MYH14: variants seen among roughly 807,000 people sequenced by gnomAD.
MYH14 encodes the protein myosin-14.
MYH14 carries 123 observed loss-of-function variants against 255.5 expected under a neutral mutation model. The ratio of observed to expected loss-of-function variants is 0.48; its 90% CI spans 0.42 to 0.56. MYH14 has a LOEUF of 0.56. Among genes scored for constraint, MYH14 ranks in the 20% least tolerant of loss-of-function variants. The pLI is 0.00. For missense variants in MYH14, 2,423 were observed against 2,802.3 expected (o/e 0.86, Z 3.06); for synonymous variants, 1,095 against 1,161.2 (o/e 0.94, Z 1.16).
intron 2 of MYH14, among the ~76,000 whole-genome samples, chr19:50,216,801 CTTT>C (rs200626930): frequency 8.1e-4 from 91 of 112,728 alleles, no homozygotes; most frequent in Middle Eastern, 6.3e-3. Context: ...TCCATCCTTT[CTTT>C]TTTTTTTTTT....
intron 5 of MYH14, among the ~76,000 whole-genome samples, 186 bp from the exon 6 acceptor site, chr19:50,223,968 G>A (rs1280470156): frequency 2.0e-5 from 3 of 152,090 alleles, no homozygotes; most frequent in African/African-American, 7.2e-5. Context: ...GAATAAAGGA[G>A]GTAGAGTGGG....
chr19:50,302,546 G>A (rs562281909), intron 40 of MYH14, among the ~76,000 whole-genome samples: 17 of 150,382 alleles, frequency 1.1e-4, no homozygotes, highest in Admixed American at 9.4e-4. Context: ...TTGCGCCACT[G>A]CCCTCCAGCC....
At chr19:50,274,115 G>A (rs1233424308) in intron 27 of MYH14, among the ~76,000 whole-genome samples, 4 of 152,104 alleles carry the variant, frequency 2.6e-5, no homozygotes, top group East Asian at 1.9e-4. Flanking sequence ...CAGACACTTC[G>A]CATACCCTGA....
Position 50,292,317 on chromosome 19 carries a change from G to T in MYH14, c.5184G>T (p.Glu1728Asp). ...EVEETRTSRE[E>D]IFSQNRESEK... Reference sequence around the variant, plus strand: ...AGGAGACACGCACCTCCCGGGAGGAGATCTTCTCCCAGAATCGGGAAAGTG... The same window carrying T: ...AGGAGACACGCACCTCCCGGGAGGATATCTTCTCCCAGAATCGGGAAAGTG... The change falls in exon 37 of 43, where the codon GAG (glutamate) becomes GAT (aspartate). Residue 1728 changes from glutamate to aspartate, a missense_variant. This residue lies in a region of MYH14 where 1,513 missense variants were observed against 1,674.8 expected (regional missense o/e 0.90). Transcript: ENST00000642316. 2 of 1,598,780 alleles carry T rather than the reference G, an allele frequency of 1.3e-6. No individual in the cohort carries two copies. Among genetic ancestry groups the T allele is most frequent in the South Asian group, 1.1e-5 (1 of 87,866 alleles).
At chr19:50,245,498 T>TCATATTCC (rs2034077728) in intron 11 of MYH14, among the ~76,000 whole-genome samples, 1 of 151,366 alleles carries the variant, frequency 6.6e-6, no homozygotes, top group Non-Finnish European at 1.5e-5. Flanking sequence ...TTACCCATAA[T>TCATATTCC]CATATTCCCA....
chr19:50,209,783 CA>C (rs1209985827), intron 1 of MYH14, among the ~76,000 whole-genome samples: 2,134 of 65,640 alleles, frequency 0.033, 51 homozygotes, highest in African/African-American at 0.095. Flanking sequence ...GACTCCATCT[CA>C]AAAAAAAAAA....
At chr19:50,267,105 C>G in intron 23 of MYH14, 97 bp downstream of exon 23, 1 of 1,213,558 alleles carries the variant, frequency 8.2e-7, no homozygotes, top group Non-Finnish European at 1.1e-6. Context: ...TCCGGCTGAG[C>G]CAGCCTGTGC....
chr19:50,232,194 G>A (rs2033433310), intron 10 of MYH14, 124 bp downstream of exon 10: 1 of 1,237,146 alleles, frequency 8.1e-7, no homozygotes, highest in Non-Finnish European at 1.1e-6. Flanking sequence ...GCAGGCACCG[G>A]GGCCAGAGCA....
In MYH14 at chr19:50,272,741, G is replaced by A. The variant is rs1466065825; in HGVS notation, c.3467+10G>A. ...AGGCTGCCCTGGCCAGGTGCAGGGT[G>A]GGGTGGGCTTGGTGGGGTAAGCAGC... On this transcript the variant is annotated intron_variant, in intron 27 of 42. Coordinates refer to ENST00000642316, the MANE Select transcript of MYH14 (RefSeq NM_001145809.2). The A allele has an allele frequency of 9.7e-6, 15 of 1,549,422 alleles. No homozygotes were observed. The highest frequency in any genetic ancestry group is 1.2e-5 in the South Asian group (1 of 83,958).
chr19:50,251,022 G>A (rs1298056844), intron 15 of MYH14, among the ~76,000 whole-genome samples: 1 of 152,188 alleles, frequency 6.6e-6, no homozygotes, highest in Non-Finnish European at 1.5e-5. Flanking sequence ...TGGATACACA[G>A]ATCAAACATG....
At position 50,238,030 on chromosome 19, in the gene MYH14, A is replaced by C. The variant is rs2033736827; in HGVS notation, c.1114+5960A>C. Among the ~76,000 whole-genome samples the C allele has an allele frequency of 2.0e-5, 3 of 152,204 alleles. No homozygotes were observed. In the South Asian group the frequency reaches 6.2e-4, roughly 31 times the overall value. Reference sequence around the variant, plus strand: ...CACCCACAGGGAGCCCAAGGCAGAAAGCATTTGGGGCCAATCAAGGCAGGG... The same window carrying C: ...CACCCACAGGGAGCCCAAGGCAGAACGCATTTGGGGCCAATCAAGGCAGGG... On this transcript the variant is annotated intron_variant, in intron 10 of 42. Coordinates refer to ENST00000642316, the MANE Select transcript of MYH14 (RefSeq NM_001145809.2).
intron 10 of MYH14, 48 bp downstream of exon 10, chr19:50,232,118 A>G: frequency 6.2e-7 from 1 of 1,601,262 alleles, no homozygotes; most frequent in East Asian, 2.2e-5. Flanking sequence ...CCCCACGGAG[A>G]GCTGGGGACC....
At chr19:50,291,643 TC>T (rs1483404253) in intron 36 of MYH14, among the ~76,000 whole-genome samples, 1 of 152,116 alleles carries the variant, frequency 6.6e-6, no homozygotes, top group Non-Finnish European at 1.5e-5. Flanking sequence ...GATGGGCAGA[TC>T]ACCTGAGGTC....
chr19:50,209,550 C>T lies in MYH14; in HGVS notation c.-3-813C>T, dbSNP rs140557126. Among the ~76,000 whole-genome samples the T allele has an allele frequency of 9.2e-3, 1,403 of 152,090 alleles. 21 individuals are homozygous for T. Among genetic ancestry groups the T allele is most frequent in the African/African-American group, 0.032 (1,327 of 41,484 alleles). ...CTGTAATCCCAGCACTTTGGGAGGC[C>T]GAGGCGGGCAGATCACCAGGTCAGG... On this transcript the variant is annotated intron_variant, in intron 1 of 42. Coordinates refer to ENST00000642316, the MANE Select transcript of MYH14 (RefSeq NM_001145809.2).
intron 2 of MYH14, among the ~76,000 whole-genome samples, chr19:50,217,310 G>T (rs2032533870): frequency 6.6e-6 from 1 of 152,130 alleles, no homozygotes; most frequent in Admixed American, 6.6e-5. Flanking sequence ...CTCGCACATG[G>T]TCATTTCCTG....
At chr19:50,215,462 C>A (rs1306645142) in intron 2 of MYH14, among the ~76,000 whole-genome samples, 1 of 152,192 alleles carries the variant, frequency 6.6e-6, no homozygotes, top group Non-Finnish European at 1.5e-5. Context: ...GCACCTGGGA[C>A]CAGGCAGCCT....
intron 1 of MYH14, among the ~76,000 whole-genome samples, chr19:50,208,881 C>T (rs893550341): frequency 4.0e-5 from 6 of 151,820 alleles, no homozygotes; most frequent in African/African-American, 4.9e-5. Flanking sequence ...AGATGGGGCT[C>T]GGTGGCTCAC....
chr19:50,259,511 CTGT>C (rs1204582885), intron 19 of MYH14, among the ~76,000 whole-genome samples: 2 of 152,238 alleles, frequency 1.3e-5, no homozygotes. Context: ...ATTGCTGCTG[CTGT>C]TTAGGGCAGT....
intron 10 of MYH14, among the ~76,000 whole-genome samples, chr19:50,239,128 T>C (rs2033789864): frequency 6.6e-6 from 1 of 152,214 alleles, no homozygotes; most frequent in African/African-American, 2.4e-5. Flanking sequence ...CAAGCAATTC[T>C]CCTGCCTCAG....
Sources: gnomAD v4.1 joint callset for allele counts (sites outside exome capture counted in the v4.1 genomes callset) on GRCh38, gnomAD v4.1.1 for gene constraint, gnomAD v4.1.1 regional missense constraint, MANE v1.5 for transcripts, NCBI Gene and HGNC (gene_info 2026-07-23, HGNC 2026-07-21) for gene names.